The following DDRGK1 variants were observed in gnomAD, a reference collection of about 807,000 sequenced individuals.
The protein encoded by DDRGK1 is DDRGK domain containing 1.
Under a neutral mutation model 45.8 loss-of-function variants are expected in DDRGK1, and 38 were observed. The ratio of observed to expected loss-of-function variants is 0.83; its 90% confidence interval spans 0.64 to 1.09. The LOEUF (loss-of-function observed/expected upper bound fraction) is 1.09, where lower values mean the gene tolerates loss of function less well. Ranked by LOEUF, DDRGK1 falls within the 50% of genes least tolerant of loss-of-function variation. DDRGK1 has a pLI of 0.00. For synonymous variants in DDRGK1, 171 were observed against 168.7 expected (o/e 1.01, Z -0.11); for missense variants, 403 against 419.9 (o/e 0.96, Z 0.35).
chr20:3,198,100 TAAAAAAAAAAAAAAAA>T (rs34302663), intron 4 of DDRGK1, among the ~76,000 whole-genome samples: 3 of 53,032 alleles, frequency 5.7e-5, no homozygotes, highest in Admixed American at 5.6e-4. Context: ...CCATCTCTCT[TAAAAAAAAAAAAAAAA>T]AAAAAAAAAG....
chr20:3,202,039 G>GC (rs2067042631), intron 2 of DDRGK1, among the ~76,000 whole-genome samples: 1 of 150,702 alleles, frequency 6.6e-6, no homozygotes, highest in South Asian at 2.1e-4. Context: ...GAGTGCAGTG[G>GC]CGCGATCTCG....
chr20:3,194,901 C>A (rs539785917), intron 5 of DDRGK1, 33 bp from the exon 6 acceptor site: 6 of 1,611,634 alleles, frequency 3.7e-6, no homozygotes, highest in Non-Finnish European at 3.4e-6. Flanking sequence ...GTGAGCACCC[C>A]CTAGCAAGCC....
intron 6 of DDRGK1, among the ~76,000 whole-genome samples, chr20:3,193,947 C>T (rs917382888): frequency 6.6e-6 from 1 of 152,128 alleles, no homozygotes. Flanking sequence ...CGGCCACAGC[C>T]CCTAATCAAG....
At chr20:3,193,803 T>C (rs890211274) in intron 6 of DDRGK1, among the ~76,000 whole-genome samples, 10 of 152,182 alleles carry the variant, frequency 6.6e-5, no homozygotes, top group Non-Finnish European at 1.2e-4. Flanking sequence ...AAGGGGGATG[T>C]TGAAGCTGAC....
intron 1 of DDRGK1, 100 bp from the exon 2 acceptor site, chr20:3,203,516 C>A: frequency 7.1e-7 from 1 of 1,400,178 alleles, no homozygotes; most frequent in Non-Finnish European, 9.4e-7. Context: ...TGCTTAGCGG[C>A]CTGCTGCCCA....
At position 3,194,867 on chromosome 20, in the gene DDRGK1, G is replaced by A. The variant is rs772057058; in HGVS notation, c.635C>T (p.Ser212Phe). Residue 212 changes from serine (S) to phenylalanine (F), a missense_variant and splice_region_variant, in exon 6 of 9, where the codon TCC (serine) becomes TTC (phenylalanine). By Grantham distance (155) the Ser-to-Phe change is radical. Coordinates refer to ENST00000354488, the MANE Select transcript of DDRGK1 (RefSeq NM_023935.3). ...GATGAACTCTGTCAGGAAGCTCTGGGACTAGAGAAGCAGAGAAATCAGGGT... is the reference window on the plus strand; with the variant it reads ...GATGAACTCTGTCAGGAAGCTCTGGAACTAGAGAAGCAGAGAAATCAGGGT... ...GVGETMTEEQ[S>F]QSFLTEFINY... 6.2e-7 allele frequency: 1 copy of A among 1,614,086 alleles called. No individual in the cohort carries two copies. Among genetic ancestry groups the A allele is most frequent in the Non-Finnish European group, 8.5e-7 (1 of 1,179,974 alleles).
At chr20:3,201,193 G>A (rs1229897812) in intron 2 of DDRGK1, among the ~76,000 whole-genome samples, 7 of 150,202 alleles carry the variant, frequency 4.7e-5, no homozygotes, top group South Asian at 2.1e-4. Flanking sequence ...CTGAGGCAGG[G>A]GAATGGTGTG....
At chr20:3,199,270 T>G (rs1365029809) in intron 4 of DDRGK1, among the ~76,000 whole-genome samples, 1 of 152,230 alleles carries the variant, frequency 6.6e-6, no homozygotes, top group South Asian at 2.1e-4. Context: ...TAAGGGAAAC[T>G]GGTTACAGGG....
At chr20:3,203,079 T>C in intron 2 of DDRGK1, 134 bp downstream of exon 2, 1 of 800,220 alleles carries the variant, frequency 1.2e-6, no homozygotes, top group Non-Finnish European at 1.9e-6. Context: ...AGTCCCCCCC[T>C]ACTCTACCGT....
chr20:3,198,567 G>A (rs1291733884), intron 4 of DDRGK1, among the ~76,000 whole-genome samples: 3 of 150,800 alleles, frequency 2.0e-5, no homozygotes, highest in African/African-American at 7.3e-5. Flanking sequence ...GGGCGTGGTG[G>A]CACATGCCTG....
intron 5 of DDRGK1, 151 bp from the exon 6 acceptor site, chr20:3,195,019 C>A (rs1019646411): frequency 6.0e-6 from 8 of 1,323,504 alleles, no homozygotes; most frequent in Non-Finnish European, 7.3e-6. Flanking sequence ...CGCTTGCCTA[C>A]ACAAGCAGCA....
rs142788896 is a variant in DDRGK1 at position 3,198,485 on chromosome 20, G to A, written c.510+1516C>T. Among the ~76,000 whole-genome samples the A allele has an allele frequency of 6.8e-3, 1,030 of 150,482 alleles. 6 individuals are homozygous for A. Among genetic ancestry groups the A allele is most frequent in the African/African-American group, 0.023 (934 of 40,866 alleles). ...GGAGGCTGAGGTGGGTGGATCACCT[G>A]AGGTCGGGAGTTCGAGACCAGCCTG... On this transcript the variant is annotated intron_variant, in intron 4 of 8. Transcript: ENST00000354488.
intron 5 of DDRGK1, 99 bp downstream of exon 5, chr20:3,195,132 C>T: frequency 6.3e-7 from 1 of 1,586,216 alleles, no homozygotes; most frequent in Non-Finnish European, 8.6e-7. Context: ...CCTCTCACTG[C>T]CTGGCCAGGG....
chr20:3,190,949 C>T, intron 8 of DDRGK1, 130 bp from the exon 9 acceptor site: 1 of 1,383,044 alleles, frequency 7.2e-7, no homozygotes, highest in Non-Finnish European at 9.8e-7. Context: ...ACTTTCCTGG[C>T]TGCATCCAGT....
At chr20:3,192,817 G>A (rs1439480130) in intron 6 of DDRGK1, among the ~76,000 whole-genome samples, 2 of 152,186 alleles carry the variant, frequency 1.3e-5, no homozygotes, top group Admixed American at 6.5e-5. Flanking sequence ...CTGACATGGT[G>A]ACACCTCCCT....
At position 3,195,275 on chromosome 20, in the gene DDRGK1, C is replaced by CA; in HGVS notation, c.588dup (p.Val197CysfsTer13). The CA allele has an allele frequency of 6.2e-7, 1 of 1,613,950 alleles. No homozygotes were observed. The highest frequency in any genetic ancestry group is 8.5e-7 in the Non-Finnish European group (1 of 1,179,900). On this transcript the variant is annotated frameshift_variant, in exon 5 of 9. Coordinates refer to ENST00000354488, the MANE Select transcript of DDRGK1 (RefSeq NM_023935.3). LOFTEE classifies it high-confidence loss of function. ...TCTCCTACGCCTTCCTCCTCCACCA[C>CA]AAAGGCCTCCTTCAGTTTCAGGTAC...
At chr20:3,204,492 C>G in intron 1 of DDRGK1, 45 bp downstream of exon 1, 1 of 1,530,806 alleles carries the variant, frequency 6.5e-7, no homozygotes, top group Non-Finnish European at 8.8e-7. Context: ...CTCAGAAGGC[C>G]AGAAAACCCG....
At chr20:3,193,618 G>A (rs920778957) in intron 6 of DDRGK1, among the ~76,000 whole-genome samples, 2 of 152,284 alleles carry the variant, frequency 1.3e-5, no homozygotes, top group East Asian at 1.9e-4. Context: ...TGATCTGCCC[G>A]CCTCGGCCTC....
intron 4 of DDRGK1, among the ~76,000 whole-genome samples, chr20:3,199,433 C>G (rs2067026229): frequency 6.6e-6 from 1 of 152,238 alleles, no homozygotes; most frequent in African/African-American, 2.4e-5. Flanking sequence ...CCTGGGACAA[C>G]AGGTCAGTCA....
Sources: gnomAD v4.1 joint callset for allele counts (sites outside exome capture counted in the v4.1 genomes callset) on GRCh38, gnomAD v4.1.1 for gene constraint, MANE v1.5 for transcripts, NCBI Gene and HGNC (gene_info 2026-07-23, HGNC 2026-07-21) for gene names.